Variants in RFX2 observed in about 807,000 individuals in gnomAD.
The protein encoded by RFX2 is regulatory factor X2.
In RFX2, 20 loss-of-function variants were observed where a neutral mutation model predicts 87.8. The observed-to-expected ratio is 0.23, with a 90% CI of 0.16 to 0.33. The LOEUF is 0.33. RFX2 is among the 10% of genes least tolerant of loss of function. The probability of loss-of-function intolerance (pLI) is 1.00; values close to 1 mark genes in which losing one functional copy is unlikely to be tolerated. For synonymous variants in RFX2, 397 were observed against 431.3 expected (o/e 0.92, Z 0.98); for missense variants, 767 against 1,012.3 (o/e 0.76, Z 3.29).
Position 6,024,766 on chromosome 19 carries a change from G to A in RFX2, c.597+1397C>T, listed in dbSNP as rs2086863498. ...TCACGGTGAGGACGGGAGTGAGGAC[G>A]GGATCACGGTGAGGACGGGAGTGAG... On this transcript the variant is annotated intron_variant, in intron 6 of 17. Transcript: ENST00000303657. This position sits in a 1 kb window ranked among gnomAD's most constrained non-coding sequence, Gnocchi z 5.0. 6.9e-6 allele frequency among the ~76,000 whole-genome samples: 1 copy of A among 145,482 alleles called. No homozygotes were observed. Among genetic ancestry groups the A allele is most frequent in the Non-Finnish European group, 1.5e-5 (1 of 66,566 alleles).
At chr19:6,098,352 C>A (rs1419108031) in intron 1 of RFX2, among the ~76,000 whole-genome samples, 2 of 151,984 alleles carry the variant, frequency 1.3e-5, no homozygotes, top group African/African-American at 2.4e-5. Flanking sequence ...GAAATGGGGG[C>A]TCTCCCTGCA....
intron 7 of RFX2, among the ~76,000 whole-genome samples, chr19:6,014,959 A>C (rs2086705822): frequency 6.6e-6 from 1 of 152,256 alleles, no homozygotes; most frequent in South Asian, 2.1e-4. Context: ...TCACAGCCTC[A>C]GCAGGCAGCA....
At position 6,063,751 on chromosome 19, in the gene RFX2, G is replaced by A. The variant is rs1025260758; in HGVS notation, c.-8-16247C>T. On this transcript the variant is annotated intron_variant, in intron 1 of 17. Coordinates refer to ENST00000303657, the MANE Select transcript of RFX2 (RefSeq NM_000635.4). The surrounding 1 kb of genome is among the most constrained non-coding windows in gnomAD (Gnocchi z 4.0). ...ATGAGGGGCAGGAATACACTCTGGG[G>A]TGGGGCCGTCCTGGGCACCGCAGGG... is the stretch of plus-strand genomic sequence containing the variant. Among the ~76,000 whole-genome samples the A allele has an allele frequency of 6.6e-6, 1 of 152,136 alleles. No homozygotes were observed. Among genetic ancestry groups the A allele is most frequent in the Non-Finnish European group, 1.5e-5 (1 of 67,998 alleles).
chr19:6,007,106 G>A lies in RFX2; in HGVS notation c.1308C>T (p.Cys436=), dbSNP rs765945506. The change falls in exon 12 of 18, where the codon TGC becomes TGT. Residue 436 remains cysteine, a synonymous_variant. Transcript: ENST00000303657. The surrounding 1 kb of genome is among the most constrained non-coding windows in gnomAD (Gnocchi z 8.2). ...PKDKLISLCQ[C]DPILRWMRSC... is the part of the protein sequence containing the mutation. ...TCCTCATCCACCTGAGGATGGGGTCGCACTGACACAGGGAGATAAGCTTGT... is the reference window on the plus strand; with the variant it reads ...TCCTCATCCACCTGAGGATGGGGTCACACTGACACAGGGAGATAAGCTTGT... 2.4e-5 allele frequency: 39 copies of A among 1,613,968 alleles called. No individual in the cohort carries two copies. In the Admixed American group the frequency reaches 5.8e-4, roughly 24 times the overall value.
rs923870756 is a variant in RFX2 at position 5,998,552 on chromosome 19, A to G, written c.1860-1339T>C. On this transcript the variant is annotated intron_variant, in intron 15 of 17. Transcript: ENST00000303657. This position sits in a 1 kb window ranked among gnomAD's most constrained non-coding sequence, Gnocchi z 4.2. ...ACTATGAAGACCACCAAAGCTGTCTATCCTTAAGTGTCAAGCATAGCTGCA... is the reference window on the plus strand; with the variant it reads ...ACTATGAAGACCACCAAAGCTGTCTGTCCTTAAGTGTCAAGCATAGCTGCA... Among the ~76,000 whole-genome samples the G allele has an allele frequency of 7.2e-5, 11 of 152,228 alleles. No homozygotes were observed. The highest frequency in any genetic ancestry group is 2.6e-4 in the Admixed American group (4 of 15,284).
chr19:6,094,194 G>C (rs1477053955), intron 1 of RFX2, among the ~76,000 whole-genome samples: 1 of 152,050 alleles, frequency 6.6e-6, no homozygotes, highest in African/African-American at 2.4e-5. Context: ...AGTGGTGGGA[G>C]GGGCAGAGGA....
chr19:6,088,791 A>G (rs902150443), intron 1 of RFX2, among the ~76,000 whole-genome samples: 1 of 152,182 alleles, frequency 6.6e-6, no homozygotes, highest in Admixed American at 6.5e-5. Context: ...GGGGGTGGCA[A>G]GCTTTTTTTG....
chr19:6,079,975 T>G (rs539124734), intron 1 of RFX2, among the ~76,000 whole-genome samples: 94 of 147,222 alleles, frequency 6.4e-4, no homozygotes, highest in African/African-American at 2.2e-3. Flanking sequence ...ATTTAAAATA[T>G]AAATTAAAAA....
intron 5 of RFX2, among the ~76,000 whole-genome samples, chr19:6,028,213 AAAC>A (rs2086914525): frequency 6.6e-6 from 1 of 151,524 alleles, no homozygotes. Flanking sequence ...TTAAAAAAAA[AAAC>A]AACAAAACCA....
intron 1 of RFX2, among the ~76,000 whole-genome samples, chr19:6,071,504 C>A (rs1324008595): frequency 1.3e-5 from 2 of 152,070 alleles, no homozygotes; most frequent in Non-Finnish European, 2.9e-5. Context: ...GAAAATGAAG[C>A]GAAGAAAGAC....
chr19:6,062,294 C>A (rs993164987), intron 1 of RFX2, among the ~76,000 whole-genome samples: 2 of 152,190 alleles, frequency 1.3e-5, no homozygotes, highest in Admixed American at 6.5e-5. Context: ...CCCCAGACTG[C>A]GGGCAAAGCT....
rs368690545 is a variant in RFX2 at position 5,994,608 on chromosome 19, C to G, written c.*227G>C. The G allele has an allele frequency of 2.5e-5, 14 of 566,968 alleles. No homozygotes were observed. The highest frequency in any genetic ancestry group is 1.4e-4 in the East Asian group (5 of 34,512). 35.1% of individuals were successfully genotyped at this position (566,968 alleles called of 1,614,324 possible). On this transcript the variant is annotated 3_prime_UTR_variant, in exon 18 of 18. Coordinates refer to ENST00000303657, the MANE Select transcript of RFX2 (RefSeq NM_000635.4). ...GGGGCCCTGGTGGCTGCGCAGGGAC[C>G]TGGGGACCCAGAGCACAGCTACAGC...
At position 6,074,726 on chromosome 19, in the gene RFX2, T is replaced by A. The variant is rs1225722696; in HGVS notation, c.-8-27222A>T. Among the ~76,000 whole-genome samples the A allele has an allele frequency of 1.3e-5, 2 of 152,108 alleles. No individual in the cohort carries two copies. Among genetic ancestry groups the A allele is most frequent in the East Asian group, 1.9e-4 (1 of 5,168 alleles). ...ATGGGCCAGGGGCAACAAGGTGACC[T>A]GGGGCAGTGACAGGACAGAGGCAGA... On this transcript the variant is annotated intron_variant, in intron 1 of 17. Coordinates refer to ENST00000303657, the MANE Select transcript of RFX2 (RefSeq NM_000635.4). The surrounding 1 kb of genome is among the most constrained non-coding windows in gnomAD (Gnocchi z 5.2).
chr19:6,008,911 C>A (rs2086625305), intron 9 of RFX2, among the ~76,000 whole-genome samples: 1 of 152,040 alleles, frequency 6.6e-6, no homozygotes, highest in Non-Finnish European at 1.5e-5. Flanking sequence ...AACTCCCAAC[C>A]TCAAGTGATC....
intron 9 of RFX2, among the ~76,000 whole-genome samples, chr19:6,009,497 AG>A (rs1284175838): frequency 6.6e-6 from 1 of 152,212 alleles, no homozygotes; most frequent in East Asian, 1.9e-4. Flanking sequence ...GCACCCCAAA[AG>A]CTCCAGGCAA....
At chr19:6,106,710 T>C (rs2144919042) in intron 1 of RFX2, among the ~76,000 whole-genome samples, 1 of 152,054 alleles carries the variant, frequency 6.6e-6, no homozygotes, top group East Asian at 1.9e-4. Context: ...TTTTCAAAAG[T>C]TTCCTATTTT....
intron 1 of RFX2, among the ~76,000 whole-genome samples, chr19:6,076,358 C>T (rs1431716585): frequency 1.3e-5 from 2 of 151,972 alleles, no homozygotes; most frequent in African/African-American, 2.4e-5. Context: ...TAAATAAATA[C>T]ATAAATAAGA....
chr19:6,077,368 G>A (rs560819768), intron 1 of RFX2, among the ~76,000 whole-genome samples: 2 of 152,302 alleles, frequency 1.3e-5, no homozygotes, highest in East Asian at 1.9e-4. Context: ...TGCAAAACCC[G>A]GGAGCACTGG....
chr19:6,073,860 CT>C (rs1156452033), intron 1 of RFX2, among the ~76,000 whole-genome samples: 1 of 152,190 alleles, frequency 6.6e-6, no homozygotes, highest in Admixed American at 6.5e-5. Flanking sequence ...TCTGAATTGG[CT>C]GTTTACCCAG....
Sources: allele counts gnomAD v4.1 joint callset (sites outside exome capture counted in the v4.1 genomes callset), GRCh38; gene constraint gnomAD v4.1.1; non-coding constraint Gnocchi (gnomAD v3.1); transcripts MANE v1.5; gene names NCBI Gene and HGNC (gene_info 2026-07-23, HGNC 2026-07-21).